The following UBAP1 variants were observed in gnomAD, a reference collection of about 807,000 sequenced individuals.
UBAP1 encodes the protein ubiquitin-associated protein 1.
In UBAP1, 5 loss-of-function variants were observed where a neutral mutation model predicts 39.0. The ratio of observed to expected loss-of-function variants is 0.13; its 90% CI spans 0.07 to 0.27. UBAP1 has a LOEUF of 0.27. UBAP1 is among the 10% of genes least tolerant of loss of function. The pLI is 1.00. For synonymous variants in UBAP1, 211 were observed against 225.1 expected, an observed-to-expected ratio of 0.94 and a Z score of 0.56; for missense variants, 490 against 608.1, an observed-to-expected ratio of 0.81 and a Z score of 2.04.
chr9:34,219,440 A>G (rs981760107), intron 1 of UBAP1, among the ~76,000 whole-genome samples: 1 of 152,106 alleles, frequency 6.6e-6, no homozygotes, highest in African/African-American at 2.4e-5. Context: ...AAATTAATAG[A>G]TGTTACCATA....
intron 1 of UBAP1, among the ~76,000 whole-genome samples, chr9:34,208,283 G>T: frequency 6.6e-6 from 1 of 151,534 alleles, no homozygotes; most frequent in South Asian, 2.1e-4. Context: ...GAAGTTTTTT[G>T]GCACCAATAT....
At chr9:34,196,901 TG>T in intron 1 of UBAP1, among the ~76,000 whole-genome samples, 1 of 85,560 alleles carries the variant, frequency 1.2e-5, no homozygotes, top group African/African-American at 4.2e-5. Context: ...TTGTTATTTG[TG>T]TGTGTGTGTG....
chr9:34,183,328 G>A (rs1345014058), intron 1 of UBAP1, among the ~76,000 whole-genome samples: 60 of 151,480 alleles, frequency 4.0e-4, no homozygotes, highest in Admixed American at 6.6e-5. Context: ...CGGATCATGA[G>A]GTCAGGAGAT....
chr9:34,212,009 G>C, intron 1 of UBAP1: 2 of 429,568 alleles, frequency 4.7e-6, no homozygotes, highest in South Asian at 3.4e-5. Flanking sequence ...CTTGAATTAT[G>C]AATGTGTGTT....
intron 1 of UBAP1, among the ~76,000 whole-genome samples, chr9:34,188,527 C>T (rs937926632): frequency 6.6e-6 from 1 of 151,020 alleles, no homozygotes; most frequent in African/African-American, 2.4e-5. Context: ...TCGGCCTCCC[C>T]AAGTGCTGGG....
In UBAP1 at chr9:34,234,360, TA is replaced by T; in HGVS notation, c.159+23del. The T allele has an allele frequency of 6.3e-7, 1 of 1,576,556 alleles. No homozygotes were observed. Among genetic ancestry groups the T allele is most frequent in the South Asian group, 1.2e-5 (1 of 84,340 alleles). On this transcript the variant is annotated intron_variant, in intron 3 of 6. Transcript: ENST00000297661. ...GTACAGGTAAGTGGTAATTTTTAGTTAAAGTTTAGTGCATTTAAAAGTTTAA... is the reference window on the plus strand; with the variant it reads ...GTACAGGTAAGTGGTAATTTTTAGTTAAGTTTAGTGCATTTAAAAGTTTAA...
At chr9:34,196,223 C>T (rs565761272) in intron 1 of UBAP1, among the ~76,000 whole-genome samples, 29 of 151,598 alleles carry the variant, frequency 1.9e-4, no homozygotes, top group African/African-American at 6.3e-4. Context: ...ACTGCAGCCT[C>T]GACCTTTCGG....
At chr9:34,213,353 A>G (rs1361407593) in intron 1 of UBAP1, among the ~76,000 whole-genome samples, 1 of 151,948 alleles carries the variant, frequency 6.6e-6, no homozygotes, top group African/African-American at 2.4e-5. Flanking sequence ...TCATCTAAAA[A>G]TACAAAAATT....
intron 1 of UBAP1, among the ~76,000 whole-genome samples, chr9:34,214,128 TC>T (rs531035500): frequency 0.01 from 1,557 of 152,168 alleles, 20 homozygotes; most frequent in African/African-American, 0.031. Flanking sequence ...GTAATCCCCA[TC>T]AAAATACCAC....
chr9:34,187,197 T>C, intron 1 of UBAP1, among the ~76,000 whole-genome samples: 1 of 152,182 alleles, frequency 6.6e-6, no homozygotes, highest in East Asian at 1.9e-4. Flanking sequence ...CGTGAGCCAC[T>C]GCGCCCGGCT....
In UBAP1 at chr9:34,179,124, G is replaced by C. The variant is rs779378521; in HGVS notation, c.-124G>C. ...CTGGCCCGGAGCGGGCAGAGTTGGA[G>C]GTGGTGGCGTTCGCTCTCCCTAGGG... is the stretch of plus-strand genomic sequence containing the variant. On this transcript the variant is annotated 5_prime_UTR_variant, in exon 1 of 7. Transcript: ENST00000297661. The C allele has an allele frequency of 7.9e-7, 1 of 1,267,674 alleles. No homozygotes were observed. The highest frequency in any genetic ancestry group is 1.0e-6 in the Non-Finnish European group (1 of 1,004,762). 78.5% of individuals were successfully genotyped at this position (1,267,674 alleles called of 1,614,324 possible). A position where few individuals can be genotyped will look rare whatever the true frequency, so the allele number is the denominator to read the frequency against.
intron 4 of UBAP1, among the ~76,000 whole-genome samples, chr9:34,243,642 A>G (rs1325840865): frequency 1.3e-5 from 2 of 151,906 alleles, no homozygotes; most frequent in African/African-American, 2.4e-5. Context: ...GGCATGTGCT[A>G]TCGTGCTCGG....
intron 1 of UBAP1, among the ~76,000 whole-genome samples, chr9:34,187,447 A>G (rs1830465297): frequency 6.6e-6 from 1 of 152,220 alleles, no homozygotes; most frequent in Non-Finnish European, 1.5e-5. Flanking sequence ...GGTTTCATAC[A>G]TTGTCCAAAC....
intron 1 of UBAP1, among the ~76,000 whole-genome samples, chr9:34,219,695 C>T (rs2131576138): frequency 1.1e-5 from 1 of 88,710 alleles, no homozygotes; most frequent in South Asian, 5.4e-4. Flanking sequence ...CCCCTCCTTT[C>T]CTCTCCTCTC....
intron 3 of UBAP1, among the ~76,000 whole-genome samples, chr9:34,239,632 C>T (rs1217709776): frequency 1.3e-5 from 2 of 152,208 alleles, no homozygotes; most frequent in African/African-American, 2.4e-5. Context: ...TCTGGTGTCA[C>T]TCATACATGT....
At chr9:34,227,244 A>G (rs938507007) in intron 2 of UBAP1, among the ~76,000 whole-genome samples, 3 of 152,128 alleles carry the variant, frequency 2.0e-5, no homozygotes, top group African/African-American at 7.2e-5. Context: ...TATTTTGTAT[A>G]TTTATGATTT....
chr9:34,202,342 G>A (rs1831420287), intron 1 of UBAP1, among the ~76,000 whole-genome samples: 1 of 152,052 alleles, frequency 6.6e-6, no homozygotes, highest in Non-Finnish European at 1.5e-5. Flanking sequence ...ATGTTGGTAA[G>A]GCTGGTCTCA....
intron 4 of UBAP1, among the ~76,000 whole-genome samples, chr9:34,243,298 G>A (rs1834053735): frequency 6.6e-6 from 1 of 152,218 alleles, no homozygotes; most frequent in Middle Eastern, 3.4e-3. Flanking sequence ...AGAGATCAAA[G>A]CCAATAAACT....
intron 3 of UBAP1, among the ~76,000 whole-genome samples, chr9:34,235,442 C>A (rs1833645333): frequency 6.6e-6 from 1 of 151,866 alleles, no homozygotes; most frequent in Admixed American, 6.6e-5. Flanking sequence ...GGGTTCACAC[C>A]ATTCTCCTGC....
Sources: gnomAD v4.1 joint callset for allele counts (sites outside exome capture counted in the v4.1 genomes callset) on GRCh38, gnomAD v4.1.1 for gene constraint, MANE v1.5 for transcripts, NCBI Gene and HGNC (gene_info 2026-07-23, HGNC 2026-07-21) for gene names.